The following PTPN21 variants were observed in gnomAD, a reference collection of about 807,000 sequenced individuals.
The protein encoded by PTPN21 is protein tyrosine phosphatase non-receptor type 21.
Under a neutral mutation model 131.8 loss-of-function variants are expected in PTPN21, and 77 were observed. That is an observed-to-expected ratio of 0.58 (90% CI 0.49 to 0.71). The LOEUF is 0.71. Ranked by LOEUF, PTPN21 falls within the 30% of genes least tolerant of loss-of-function variation. The pLI, the probability that PTPN21 is intolerant of heterozygous loss-of-function variation, is 0.00. For synonymous variants in PTPN21, 715 were observed against 621.3 expected, an observed-to-expected ratio of 1.15 and a Z score of -2.24; for missense variants, 1,552 against 1,527.1, an observed-to-expected ratio of 1.02 and a Z score of -0.27.
chr14:88,554,414 C>T (rs1338038223), intron 1 of PTPN21, among the ~76,000 whole-genome samples: 3 of 152,146 alleles, frequency 2.0e-5, no homozygotes, highest in African/African-American at 7.2e-5. Flanking sequence ...AACAATCGGC[C>T]AGGGCGTTCG....
At chr14:88,524,883 C>A (rs1320942768) in intron 2 of PTPN21, among the ~76,000 whole-genome samples, 1 of 151,914 alleles carries the variant, frequency 6.6e-6, no homozygotes, top group African/African-American at 2.4e-5. Flanking sequence ...CCAGCCTGGG[C>A]GACAGAGCAA....
At chr14:88,474,310 C>T (rs1385368179) in intron 13 of PTPN21, among the ~76,000 whole-genome samples, 1 of 151,956 alleles carries the variant, frequency 6.6e-6, no homozygotes, top group Admixed American at 6.6e-5. Flanking sequence ...CCACCTGAAC[C>T]TCCCGAGTAC....
At chr14:88,521,522 C>T (rs1172316465) in intron 2 of PTPN21, among the ~76,000 whole-genome samples, 1 of 151,858 alleles carries the variant, frequency 6.6e-6, no homozygotes, top group African/African-American at 2.4e-5. Context: ...CCTGCCTCAG[C>T]CTCCCAAGTA....
At chr14:88,552,954 C>T (rs948090262) in intron 1 of PTPN21, among the ~76,000 whole-genome samples, 1 of 152,098 alleles carries the variant, frequency 6.6e-6, no homozygotes, top group Non-Finnish European at 1.5e-5. Flanking sequence ...ATTATGGTAA[C>T]TGGAAACCGG....
At position 88,536,816 on chromosome 14, in the gene PTPN21, CTT is replaced by C. The variant is rs2078638650; in HGVS notation, c.180+13420_180+13421del. Among the ~76,000 whole-genome samples, 3 of 152,260 alleles carry C rather than the reference CTT, an allele frequency of 2.0e-5. No homozygotes were observed. In the South Asian group the frequency reaches 6.2e-4, roughly 32 times the overall value. ...CTTAGACTAGGCAGAAGTCAGAAGA[CTT>C]TTCATCAGGAAAGAGATGACAGAAG... On this transcript the variant is annotated intron_variant, in intron 2 of 18. Coordinates refer to ENST00000556564, the MANE Select transcript of PTPN21 (RefSeq NM_007039.4).
At position 88,550,165 on chromosome 14, in the gene PTPN21, C is replaced by G. The variant is rs994221815; in HGVS notation, c.180+73G>C. 20 of 1,450,360 alleles carry G rather than the reference C, an allele frequency of 1.4e-5. No individual in the cohort carries two copies. In the African/African-American group the frequency reaches 1.8e-4, roughly 13 times the overall value. The allele number at this position is 1,450,360 out of a possible 1,614,324, so 89.8% of individuals were successfully genotyped here. ...CTGACCTCAGGTGATCCACCAGCCT[C>G]GGCCTCTCAAAGTGCTGGGATTACA... is the stretch of plus-strand genomic sequence containing the variant. On this transcript the variant is annotated intron_variant, in intron 2 of 18. Coordinates refer to ENST00000556564, the MANE Select transcript of PTPN21 (RefSeq NM_007039.4).
intron 2 of PTPN21, chr14:88,547,738 C>T (rs2078804430): frequency 2.2e-6 from 1 of 447,244 alleles, no homozygotes; most frequent in African/African-American, 2.0e-5. Flanking sequence ...GCAGTTTCAT[C>T]TCAGTTTCCT....
intron 13 of PTPN21, among the ~76,000 whole-genome samples, chr14:88,477,641 T>A (rs2077567918): frequency 6.6e-6 from 1 of 152,140 alleles, no homozygotes; most frequent in Non-Finnish European, 1.5e-5. Context: ...TGAGCCGTCC[T>A]GTCGGAGTTT....
Position 88,472,380 on chromosome 14 carries a change from T to C in PTPN21, c.2735A>G (p.Glu912Gly). Residue 912 changes from glutamate to glycine, a missense_variant, in exon 15 of 19, where the codon GAG becomes GGG. Transcript: ENST00000556564. ...TTCAGGGAGTCGTGCTGTTGAGCAC[T>C]CCCCATCAACTAGCCGTTTCTTAAG... is the stretch of plus-strand genomic sequence containing the variant. ...RILKKRLVDGECSTARLPENA... is the reference protein window; with the variant it reads ...RILKKRLVDGGCSTARLPENA... 1 of 1,613,722 alleles carries C rather than the reference T, an allele frequency of 6.2e-7. No homozygotes were observed. The highest frequency in any genetic ancestry group is 8.5e-7 in the Non-Finnish European group (1 of 1,179,608).
chr14:88,525,477 C>G (rs185987971), intron 2 of PTPN21, among the ~76,000 whole-genome samples: 1 of 152,200 alleles, frequency 6.6e-6, no homozygotes, highest in East Asian at 1.9e-4. Context: ...CATTGTTAGT[C>G]ATTAGGGAAA....
At chr14:88,472,783 T>C (rs1172168702) in intron 14 of PTPN21, among the ~76,000 whole-genome samples, 5 of 152,042 alleles carry the variant, frequency 3.3e-5, no homozygotes, top group Non-Finnish European at 2.9e-5. Context: ...GGCAGGAGGA[T>C]TGCTTGAGCC....
chr14:88,526,947 TC>T (rs1350135808), intron 2 of PTPN21, among the ~76,000 whole-genome samples: 7 of 152,182 alleles, frequency 4.6e-5, no homozygotes, highest in Non-Finnish European at 8.8e-5. Flanking sequence ...AGAATAATGG[TC>T]TCCAACTCCA....
At chr14:88,522,437 AAAAAAAG>A (rs1281150875) in intron 2 of PTPN21, among the ~76,000 whole-genome samples, 5 of 150,962 alleles carry the variant, frequency 3.3e-5, no homozygotes, top group Admixed American at 6.6e-5. Flanking sequence ...CAAAAAAAAA[AAAAAAAG>A]AAAAAAAGAA....
At chr14:88,490,012 CT>C (rs757640728) in intron 10 of PTPN21, among the ~76,000 whole-genome samples, 353 of 142,662 alleles carry the variant, frequency 2.5e-3, no homozygotes, top group Non-Finnish European at 2.4e-3. Context: ...GTGTGGTTTT[CT>C]TTTTTTTTTT....
intron 2 of PTPN21, among the ~76,000 whole-genome samples, chr14:88,521,075 T>A (rs945419954): frequency 6.6e-6 from 1 of 151,980 alleles, no homozygotes; most frequent in African/African-American, 2.4e-5. Context: ...TTAAACTGGC[T>A]TCAAGTGATC....
At chr14:88,482,105 G>GC (rs759646540) in intron 12 of PTPN21, among the ~76,000 whole-genome samples, 1 of 152,244 alleles carries the variant, frequency 6.6e-6, no homozygotes, top group Non-Finnish European at 1.5e-5. Context: ...GCACAGCATA[G>GC]CCCTGCCTAT....
At chr14:88,471,647 C>G (rs1007507730) in intron 15 of PTPN21, among the ~76,000 whole-genome samples, 11 of 152,078 alleles carry the variant, frequency 7.2e-5, no homozygotes, top group African/African-American at 2.7e-4. Flanking sequence ...GTAAAGAGAA[C>G]AGATGGCACC....
rs756866114 is a variant in PTPN21 at position 88,517,184 on chromosome 14, C to T, written c.258G>A (p.Lys86=). The change falls in exon 3 of 19, where the codon AAG becomes AAA. Residue 86 remains lysine (K), a synonymous_variant. Transcript: ENST00000556564. ...RWVDLEKPLK[K]QLDKYALEPT... is the part of the protein sequence containing the mutation. ...GTTCCAATGCATATTTATCCAGCTG[C>T]TTCTTCAAAGGTTTTTCCAAATCTA... 1 of 1,614,054 alleles carries T rather than the reference C, an allele frequency of 6.2e-7. No homozygotes were observed. Among genetic ancestry groups the T allele is most frequent in the Non-Finnish European group, 8.5e-7 (1 of 1,179,988 alleles).
intron 2 of PTPN21, chr14:88,547,714 T>TTTC: frequency 2.2e-6 from 1 of 453,592 alleles, no homozygotes; most frequent in Non-Finnish European, 4.4e-6. Context: ...TCTGGTTTTC[T>TTTC]TTCTTCTTCT....
Sources: gnomAD v4.1 joint callset for allele counts (sites outside exome capture counted in the v4.1 genomes callset) on GRCh38, gnomAD v4.1.1 for gene constraint, MANE v1.5 for transcripts, NCBI Gene and HGNC (gene_info 2026-07-23, HGNC 2026-07-21) for gene names.